Variants in ITPR1 observed in about 807,000 individuals in gnomAD.
The protein encoded by ITPR1 is inositol 1,4,5-trisphosphate receptor type 1, also known as inositol 1,4,5-trisphosphate-gated calcium channel ITPR1.
A neutral mutation model predicts 318.4 loss-of-function variants in ITPR1; 96 were observed. The observed-to-expected ratio is 0.30, with a 90% confidence interval of 0.26 to 0.36. The LOEUF (loss-of-function observed/expected upper bound fraction) is 0.36, where lower values mean the gene tolerates loss of function less well. ITPR1 is among the 10% of genes least tolerant of loss of function. ITPR1 has a pLI of 1.00. For missense variants in ITPR1, 2,440 were observed against 3,460.2 expected (o/e 0.71, Z 7.40); for synonymous variants, 1,312 against 1,289.9 (o/e 1.02, Z -0.37).
chr3:4,778,273 C>T (rs1265083891), intron 48 of ITPR1, among the ~76,000 whole-genome samples: 1 of 152,198 alleles, frequency 6.6e-6, no homozygotes, highest in Non-Finnish European at 1.5e-5. Flanking sequence ...ACATGTTAGC[C>T]TTTCTGGACA....
At position 4,658,226 on chromosome 3, in the gene ITPR1, A is replaced by G. The variant is rs758461841; in HGVS notation, c.1099A>G (p.Ile367Val). ...SVPEGNDISS[I>V]FELDPTTLRG... ...GCCTGAAGGCAATGACATCTCCTCC[A>G]TTTTCGAGCTAGATCCCACCACTCT... Residue 367 changes from isoleucine to valine, a missense_variant, in exon 13 of 62, where the codon ATT becomes GTT. Around this residue, in one of 23 missense-constraint regions of ITPR1, gnomAD observed 101 missense variants for 119.6 expected, o/e 0.84. Coordinates refer to ENST00000649015, the MANE Select transcript of ITPR1 (RefSeq NM_001378452.1). The G allele has an allele frequency of 3.1e-6, 5 of 1,613,400 alleles. No homozygotes were observed. In the South Asian group the frequency reaches 4.4e-5, roughly 14 times the overall value.
At chr3:4,797,408 A>G (rs1379553990) in intron 53 of ITPR1, among the ~76,000 whole-genome samples, 3 of 152,198 alleles carry the variant, frequency 2.0e-5, no homozygotes, top group Admixed American at 2.0e-4. Context: ...GCAAGATTTC[A>G]TAATGTCCCT....
intron 60 of ITPR1, among the ~76,000 whole-genome samples, chr3:4,820,290 A>C (rs1022165310): frequency 6.6e-6 from 1 of 152,096 alleles, no homozygotes; most frequent in Non-Finnish European, 1.5e-5. Context: ...TGTACTGTTC[A>C]CCCTTGACTT....
chr3:4,745,018 C>T (rs2043990823), intron 44 of ITPR1, among the ~76,000 whole-genome samples: 1 of 146,190 alleles, frequency 6.8e-6, no homozygotes, highest in African/African-American at 2.6e-5. Flanking sequence ...CTTCCTTCCT[C>T]CTTCCCTTTC....
At chr3:4,516,249 G>A (rs2082161978) in intron 2 of ITPR1, among the ~76,000 whole-genome samples, 1 of 152,224 alleles carries the variant, frequency 6.6e-6, no homozygotes, top group Admixed American at 6.5e-5. Context: ...AGAAACAAAT[G>A]TTACTGTGGT....
rs975942698 is a variant in ITPR1, at chr3:4,846,614, T to C, written c.*389T>C. On this transcript the variant is annotated 3_prime_UTR_variant, in exon 62 of 62. Coordinates refer to ENST00000649015, the MANE Select transcript of ITPR1 (RefSeq NM_001378452.1). ...ACGAATTATGCAATCACAATACATT[T>C]GTAGCTCCCGAGTGTCCTAAAGGGA... is the stretch of plus-strand genomic sequence containing the variant. The C allele has an allele frequency of 1.9e-5, 3 of 156,970 alleles. No individual in the cohort carries two copies. Among genetic ancestry groups the C allele is most frequent in the African/African-American group, 7.2e-5 (3 of 41,550 alleles). 9.7% of individuals were successfully genotyped at this position (156,970 alleles called of 1,614,324 possible). A position where few individuals can be genotyped will look rare whatever the true frequency, so the allele number is the denominator to read the frequency against.
chr3:4,837,338 C>T (rs2050995504), intron 61 of ITPR1, among the ~76,000 whole-genome samples: 1 of 152,054 alleles, frequency 6.6e-6, no homozygotes, highest in Non-Finnish European at 1.5e-5. Context: ...TTGTCAAATC[C>T]TCACCCCATA....
intron 12 of ITPR1, among the ~76,000 whole-genome samples, chr3:4,656,908 G>A (rs1314006388): frequency 6.6e-6 from 1 of 152,214 alleles, no homozygotes; most frequent in Non-Finnish European, 1.5e-5. Context: ...GGCTGAGCGC[G>A]AGCTGGCCAG....
At position 4,547,110 on chromosome 3, in the gene ITPR1, G is replaced by A. The variant is rs149424941; in HGVS notation, c.163+26016G>A. Among the ~76,000 whole-genome samples, 307 of 152,290 alleles carry A rather than the reference G, an allele frequency of 2.0e-3. 2 individuals carry two copies. The highest frequency in any genetic ancestry group is 7.0e-3 in the African/African-American group (292 of 41,548). On this transcript the variant is annotated intron_variant, in intron 4 of 61. Coordinates refer to ENST00000649015, the MANE Select transcript of ITPR1 (RefSeq NM_001378452.1). ...TTATTGAGTGTCTACTCCATTCAAG[G>A]CCTGTGCTAGGCATGATTTATAGTA...
chr3:4,622,335 G>A (rs9818585), intron 4 of ITPR1, among the ~76,000 whole-genome samples: 92,753 of 149,726 alleles, frequency 0.62, 29,343 homozygotes, highest in South Asian at 0.77. Flanking sequence ...GGATGGTCTC[G>A]ATCTCTTGAC....
At chr3:4,816,897 C>G (rs1241567826) in intron 59 of ITPR1, among the ~76,000 whole-genome samples, 1 of 152,070 alleles carries the variant, frequency 6.6e-6, no homozygotes, top group African/African-American at 2.4e-5. Context: ...ATTATTATTT[C>G]TACATTTCTT....
intron 53 of ITPR1, among the ~76,000 whole-genome samples, chr3:4,799,244 T>C (rs1015956625): frequency 2.0e-5 from 3 of 152,352 alleles, no homozygotes; most frequent in Non-Finnish European, 4.4e-5. Flanking sequence ...ATCAAGGGCT[T>C]GACACGATGT....
chr3:4,616,747 A>G (rs1405451640), intron 4 of ITPR1, among the ~76,000 whole-genome samples: 3 of 152,182 alleles, frequency 2.0e-5, no homozygotes, highest in Non-Finnish European at 4.4e-5. Context: ...GGGTAATAAG[A>G]AAGAATGAAA....
chr3:4,711,771 C>T lies in ITPR1; in HGVS notation c.5006C>T (p.Thr1669Ile). The T allele has an allele frequency of 6.5e-7, 1 of 1,546,264 alleles. No homozygotes were observed. Among genetic ancestry groups the T allele is most frequent in the Admixed American group, 2.0e-5 (1 of 51,106 alleles). Residue 1669 changes from threonine to isoleucine, a missense_variant, in exon 39 of 62, where the codon ACA becomes ATA. Coordinates refer to ENST00000649015, the MANE Select transcript of ITPR1 (RefSeq NM_001378452.1). ...CCCCCATTCAGGTTAATAAAGCATA[C>T]AAAACAGCTGCTAGAAGAAAATGAA... ...GGFICKLIKH[T>I]KQLLEENEEK...
intron 61 of ITPR1, among the ~76,000 whole-genome samples, chr3:4,838,894 A>G (rs2051127413): frequency 6.6e-6 from 1 of 152,186 alleles, no homozygotes; most frequent in African/African-American, 2.4e-5. Flanking sequence ...GCCTCCCTAC[A>G]CTATCTGTCC....
chr3:4,596,921 A>T (rs1280313106), intron 4 of ITPR1, among the ~76,000 whole-genome samples: 1 of 152,194 alleles, frequency 6.6e-6, no homozygotes, highest in African/African-American at 2.4e-5. Flanking sequence ...AGAGGCTGAT[A>T]GTTTTAGTGT....
rs773502771 is a variant in ITPR1 at position 4,733,183 on chromosome 3, A to G, written c.5316A>G (p.Pro1772=). 6.2e-7 allele frequency: 1 copy of G among 1,614,044 alleles called. No individual in the cohort carries two copies. The highest frequency in any genetic ancestry group is 8.5e-7 in the Non-Finnish European group (1 of 1,179,884). The change falls in exon 43 of 62, where the codon CCA becomes CCG. Residue 1772 remains proline, a synonymous_variant. Coordinates refer to ENST00000649015, the MANE Select transcript of ITPR1 (RefSeq NM_001378452.1). ...GCCTTACCAGCTTTGGCAATGGCCC[A>G]CTGTCAGCAGGAGGACCCGGCAAGC... ...RESLTSFGNG[P]LSAGGPGKPG... is the part of the protein sequence containing the mutation.
At chr3:4,675,575 T>A (rs2094167382) in intron 23 of ITPR1, among the ~76,000 whole-genome samples, 1 of 152,232 alleles carries the variant, frequency 6.6e-6, no homozygotes, top group Non-Finnish European at 1.5e-5. Context: ...TGAAAGTTAC[T>A]TAACACTTTG....
intron 52 of ITPR1, 46 bp downstream of exon 52, chr3:4,788,185 G>A: frequency 6.7e-7 from 1 of 1,485,292 alleles, no homozygotes; most frequent in South Asian, 1.2e-5. Context: ...CACAGTTCTG[G>A]GATTTCACAA....
Sources: allele counts gnomAD v4.1 joint callset (sites outside exome capture counted in the v4.1 genomes callset), GRCh38; gene constraint gnomAD v4.1.1; regional missense constraint gnomAD v4.1.1; transcripts MANE v1.5; gene names NCBI Gene and HGNC (gene_info 2026-07-23, HGNC 2026-07-21).